LRRC7: variants seen among roughly 807,000 people sequenced by gnomAD.
LRRC7 encodes leucine rich repeat containing 7.
Under a neutral mutation model 175.7 loss-of-function variants are expected in LRRC7, and 23 were observed. That is an observed-to-expected ratio of 0.13 (90% CI 0.09 to 0.19). The LOEUF (loss-of-function observed/expected upper bound fraction) is 0.19. Among genes scored for constraint, LRRC7 ranks in the 10% least tolerant of loss-of-function variants. The probability of loss-of-function intolerance (pLI) is 1.00; values close to 1 mark genes in which losing one functional copy is unlikely to be tolerated. For synonymous variants in LRRC7, 685 were observed against 680.9 expected (o/e 1.01, Z -0.09); for missense variants, 1,354 against 1,904.7 (o/e 0.71, Z 5.38).
At chr1:69,697,169 C>T (rs1173883699) in intron 2 of LRRC7, among the ~76,000 whole-genome samples, 1 of 152,122 alleles carries the variant, frequency 6.6e-6, no homozygotes, top group Non-Finnish European at 1.5e-5. Flanking sequence ...AAGTAATCAA[C>T]TAGTTTTTCT....
chr1:69,971,565 G>A (rs971096036), intron 8 of LRRC7, among the ~76,000 whole-genome samples: 2 of 152,026 alleles, frequency 1.3e-5, no homozygotes, highest in Non-Finnish European at 2.9e-5. Flanking sequence ...ACCTAACCAA[G>A]GAGGTGAAAG....
chr1:69,776,702 T>G (rs1032759005), intron 3 of LRRC7, among the ~76,000 whole-genome samples: 1 of 151,944 alleles, frequency 6.6e-6, no homozygotes, highest in Non-Finnish European at 1.5e-5. Flanking sequence ...ATTTTTCATT[T>G]TGGGGTGTGT....
chr1:69,926,867 T>C (rs1647092549), intron 7 of LRRC7, among the ~76,000 whole-genome samples: 1 of 152,202 alleles, frequency 6.6e-6, no homozygotes, highest in Non-Finnish European at 1.5e-5. Context: ...TAGCTGGTTA[T>C]TTTGCTCATT....
At chr1:69,939,376 C>A (rs1648462396) in intron 8 of LRRC7, among the ~76,000 whole-genome samples, 1 of 151,930 alleles carries the variant, frequency 6.6e-6, no homozygotes, top group African/African-American at 2.4e-5. Flanking sequence ...GGAAAAACTA[C>A]ACACTGGAAA....
chr1:70,093,372 T>G (rs977109824), intron 25 of LRRC7, among the ~76,000 whole-genome samples: 5 of 152,168 alleles, frequency 3.3e-5, no homozygotes, highest in Non-Finnish European at 5.9e-5. Context: ...TTGAGTAGTA[T>G]TATTATTCCC....
chr1:69,735,532 A>T (rs895293337), intron 2 of LRRC7, among the ~76,000 whole-genome samples: 7 of 152,076 alleles, frequency 4.6e-5, no homozygotes, highest in African/African-American at 1.7e-4. Context: ...GGTGATACTA[A>T]ATTTGACCAC....
intron 3 of LRRC7, among the ~76,000 whole-genome samples, chr1:69,788,106 C>T (rs1259425313): frequency 6.6e-6 from 1 of 152,078 alleles, no homozygotes; most frequent in Non-Finnish European, 1.5e-5. Flanking sequence ...CTAGTTCACT[C>T]ACTGGGGGTG....
At chr1:69,753,398 T>C (rs1381782562) in intron 2 of LRRC7, among the ~76,000 whole-genome samples, 2 of 151,544 alleles carry the variant, frequency 1.3e-5, no homozygotes, top group Non-Finnish European at 2.9e-5. Context: ...ATCAAGGTAA[T>C]GCAGAGTCGG....
chr1:69,914,455 T>A (rs1222253849), intron 7 of LRRC7, among the ~76,000 whole-genome samples: 1 of 152,182 alleles, frequency 6.6e-6, no homozygotes, highest in African/African-American at 2.4e-5. Context: ...GATAGCATGA[T>A]AGGAAGGACT....
In LRRC7 at chr1:70,039,017, G is replaced by A; in HGVS notation, c.3193G>A (p.Val1065Ile). ...QQQKASMTKK[V>I]YQFDQSFNPQ... is the part of the protein sequence containing the mutation. ...ACAAAAAGCTTCTATGACAAAAAAA[G>A]TCTATCAGTTTGACCAAAGCTTCAA... Residue 1065 changes from valine (V) to isoleucine (I), a missense_variant, in exon 21 of 27, where the codon GTC becomes ATC. This residue lies in a region of LRRC7 where 1,032 missense variants were observed against 1,227.2 expected (regional missense o/e 0.84). Transcript: ENST00000651989. 6.2e-7 allele frequency: 1 copy of A among 1,614,010 alleles called. No individual in the cohort carries two copies.
At chr1:69,667,672 T>G (rs961521770) in intron 1 of LRRC7, among the ~76,000 whole-genome samples, 1 of 152,226 alleles carries the variant, frequency 6.6e-6, no homozygotes, top group African/African-American at 2.4e-5. Context: ...TTTCTGTCCC[T>G]TTATTTTCAG....
intron 7 of LRRC7, among the ~76,000 whole-genome samples, chr1:69,879,414 A>G (rs1342438741): frequency 1.3e-5 from 2 of 152,096 alleles, no homozygotes; most frequent in Admixed American, 6.5e-5. Flanking sequence ...AGACAGCAGC[A>G]AAGACGGTTT....
chr1:69,911,326 A>G (rs201828544), intron 7 of LRRC7, among the ~76,000 whole-genome samples: 9 of 152,176 alleles, frequency 5.9e-5, no homozygotes, highest in Non-Finnish European at 1.3e-4. Context: ...AGCTGTTCCT[A>G]TTCGGCCTTC....
intron 13 of LRRC7, chr1:70,014,058 A>C (rs1480979939): frequency 3.3e-5 from 5 of 152,034 alleles, no homozygotes; most frequent in African/African-American, 1.2e-4. Context: ...TTATAGTATC[A>C]GGTGACAAGG....
At chr1:69,787,845 G>A (rs1451057255) in intron 3 of LRRC7, among the ~76,000 whole-genome samples, 1 of 152,150 alleles carries the variant, frequency 6.6e-6, no homozygotes, top group Non-Finnish European at 1.5e-5. Context: ...CACAATATGT[G>A]AGAATTGTGG....
At chr1:69,875,660 C>T (rs1261422715) in intron 7 of LRRC7, among the ~76,000 whole-genome samples, 1 of 151,876 alleles carries the variant, frequency 6.6e-6, no homozygotes, top group East Asian at 1.9e-4. Flanking sequence ...TAACAAAATA[C>T]TGCCTGTGTT....
At chr1:69,987,521 T>C (rs1033205249) in intron 10 of LRRC7, among the ~76,000 whole-genome samples, 3 of 152,228 alleles carry the variant, frequency 2.0e-5, no homozygotes, top group Non-Finnish European at 4.4e-5. Flanking sequence ...TCGTGGATGC[T>C]GCAGATCCAA....
In LRRC7 at chr1:70,143,266, G is replaced by C. The variant is rs1186789494; in HGVS notation, c.*21379G>C. The C allele has an allele frequency of 1.3e-5, 2 of 151,196 alleles. No homozygotes were observed. Among genetic ancestry groups the C allele is most frequent in the African/African-American group, 4.9e-5 (2 of 41,186 alleles). 9.4% of individuals were successfully genotyped at this position (151,196 alleles called of 1,614,324 possible). On this transcript the variant is annotated 3_prime_UTR_variant, in exon 27 of 27. Coordinates refer to ENST00000651989, the MANE Select transcript of LRRC7 (RefSeq NM_001370785.2). ...GTGCAGCACAACAGTGACATCTTAAGGCCAAGTAACCAGAGCTCCTTTAGC... is the reference window on the plus strand; with the variant it reads ...GTGCAGCACAACAGTGACATCTTAACGCCAAGTAACCAGAGCTCCTTTAGC...
At chr1:69,970,017 G>A (rs1053105201) in intron 8 of LRRC7, among the ~76,000 whole-genome samples, 1 of 152,070 alleles carries the variant, frequency 6.6e-6, no homozygotes, top group African/African-American at 2.4e-5. Context: ...TAAATAACTT[G>A]CTCCTGAATG....
Sources: allele counts gnomAD v4.1 joint callset (sites outside exome capture counted in the v4.1 genomes callset), GRCh38; gene constraint gnomAD v4.1.1; regional missense constraint gnomAD v4.1.1; transcripts MANE v1.5; gene names NCBI Gene and HGNC (gene_info 2026-07-23, HGNC 2026-07-21).